CACNA1C: variants seen among roughly 807,000 people sequenced by gnomAD.
The protein encoded by CACNA1C is calcium voltage-gated channel subunit alpha1 C, also known as voltage-dependent L-type calcium channel subunit alpha-1C.
Under a neutral mutation model 229.0 loss-of-function variants are expected in CACNA1C, and 30 were observed. The ratio of observed to expected loss-of-function variants is 0.13; its 90% CI spans 0.10 to 0.18. The LOEUF (loss-of-function observed/expected upper bound fraction) is 0.18, where lower values mean the gene tolerates loss of function less well. Ranked by LOEUF, CACNA1C falls within the 10% of genes least tolerant of loss-of-function variation. The pLI, the probability that CACNA1C is intolerant of heterozygous loss-of-function variation, is 1.00. For missense variants in CACNA1C, 1,658 were observed against 2,845.0 expected, an observed-to-expected ratio of 0.58 and a Z score of 9.49; for synonymous variants, 1,114 against 1,132.5, an observed-to-expected ratio of 0.98 and a Z score of 0.33.
chr12:2,634,113 G>A (rs768899298), intron 29 of CACNA1C, among the ~76,000 whole-genome samples, 184 bp from the exon 30 acceptor site: 11 of 151,892 alleles, frequency 7.2e-5, no homozygotes, highest in Non-Finnish European at 1.3e-4. Flanking sequence ...CAGAACTGTA[G>A]AGTGGTAAGA....
intron 5 of CACNA1C, among the ~76,000 whole-genome samples, chr12:2,465,293 C>T (rs1231958117): frequency 1.3e-5 from 2 of 152,122 alleles, no homozygotes; most frequent in Non-Finnish European, 2.9e-5. Context: ...CCAAAAATCA[C>T]CAGAGAGGCA....
chr12:2,675,843 A>G (rs2096781466), intron 39 of CACNA1C, among the ~76,000 whole-genome samples: 1 of 152,196 alleles, frequency 6.6e-6, no homozygotes. Context: ...GTCTGGAGCT[A>G]CTTAATGCTA....
At chr12:2,303,658 T>C (rs906314163) in intron 3 of CACNA1C, among the ~76,000 whole-genome samples, 1 of 151,870 alleles carries the variant, frequency 6.6e-6, no homozygotes, top group Non-Finnish European at 1.5e-5. Flanking sequence ...CATTCTGAGG[T>C]GCTAGGGGTG....
intron 3 of CACNA1C, chr12:2,222,065 C>T (rs1183216433): frequency 1.3e-5 from 2 of 152,080 alleles, no homozygotes; most frequent in South Asian, 2.1e-4. Context: ...TAATGATAAG[C>T]CAATTCAGGG....
chr12:2,079,268 TTAAAA>T (rs2064511293), intron 1 of CACNA1C, among the ~76,000 whole-genome samples: 1 of 152,042 alleles, frequency 6.6e-6, no homozygotes, highest in Admixed American at 6.6e-5. Context: ...ACCCTAAAAC[TTAAAA>T]TATAATAATA....
intron 5 of CACNA1C, among the ~76,000 whole-genome samples, chr12:2,463,188 C>T (rs1246640355): frequency 4.6e-5 from 7 of 152,150 alleles, no homozygotes; most frequent in Admixed American, 3.9e-4. Context: ...GGATTACAGG[C>T]GTGAGCCACC....
intron 3 of CACNA1C, among the ~76,000 whole-genome samples, chr12:2,185,193 T>A (rs902677631): frequency 2.0e-5 from 3 of 152,178 alleles, no homozygotes; most frequent in African/African-American, 7.2e-5. Flanking sequence ...TGGCCCACAT[T>A]CTTCTCTATT....
chr12:2,549,419 G>A (rs1029546967), intron 9 of CACNA1C, among the ~76,000 whole-genome samples: 2 of 152,192 alleles, frequency 1.3e-5, no homozygotes, highest in African/African-American at 4.8e-5. Flanking sequence ...GTAACCAACT[G>A]CCGGAAAGGG....
At chr12:2,230,077 G>A (rs760016590) in intron 3 of CACNA1C, among the ~76,000 whole-genome samples, 1 of 152,196 alleles carries the variant, frequency 6.6e-6, no homozygotes, top group Non-Finnish European at 1.5e-5. Flanking sequence ...GGCGGAAGGG[G>A]AAGAAGGGGC....
At chr12:2,172,837 C>T (rs2096536644) in intron 3 of CACNA1C, among the ~76,000 whole-genome samples, 1 of 152,240 alleles carries the variant, frequency 6.6e-6, no homozygotes, top group Admixed American at 6.5e-5. Context: ...TGGACCTTGT[C>T]TGTGGAGAAC....
In CACNA1C at chr12:2,533,144, A is replaced by G. The variant is rs376443863; in HGVS notation, c.1391-16799A>G. ...GGAGGGAGAGGCTGTTCAGTGGAAT[A>G]ATGAGAGTGACAGAGGCAGGCGTTC... On this transcript the variant is annotated intron_variant, in intron 9 of 46. Coordinates refer to ENST00000399655, the MANE Select transcript of CACNA1C (RefSeq NM_000719.7). Among the ~76,000 whole-genome samples the G allele has an allele frequency of 9.2e-5, 14 of 152,302 alleles. 1 individual carries two copies.
At chr12:2,268,720 G>A (rs1245161756) in intron 3 of CACNA1C, among the ~76,000 whole-genome samples, 1 of 152,184 alleles carries the variant, frequency 6.6e-6, no homozygotes, top group Non-Finnish European at 1.5e-5. Context: ...CCCCAATGCT[G>A]AAGGTTGCTA....
At chr12:2,035,523 C>A (rs576975991) in intron 1 of CACNA1C, among the ~76,000 whole-genome samples, 18 of 152,170 alleles carry the variant, frequency 1.2e-4, no homozygotes, top group Non-Finnish European at 2.2e-4. Context: ...ATCTCCTGTG[C>A]GAACCTCTTC....
chr12:2,156,294 A>G (rs2095551390), intron 3 of CACNA1C, among the ~76,000 whole-genome samples: 1 of 152,268 alleles, frequency 6.6e-6, no homozygotes, highest in African/African-American at 2.4e-5. Flanking sequence ...GTACCTTTTA[A>G]ATAAAAATAG....
intron 3 of CACNA1C, among the ~76,000 whole-genome samples, chr12:2,413,030 T>C (rs2098825669): frequency 6.6e-6 from 1 of 152,242 alleles, no homozygotes; most frequent in Admixed American, 6.5e-5. Flanking sequence ...GCTTTTTTGT[T>C]TTCTTGAGAA....
chr12:2,572,431 C>T (rs2055648390), intron 13 of CACNA1C, among the ~76,000 whole-genome samples: 3 of 14,240 alleles, frequency 2.1e-4, no homozygotes, highest in Non-Finnish European at 2.9e-4. Context: ...CCTCCTCTTC[C>T]TCTTCCTGCT....
At chr12:2,012,622 C>T (rs1287817618) in intron 1 of CACNA1C, among the ~76,000 whole-genome samples, 1 of 152,146 alleles carries the variant, frequency 6.6e-6, no homozygotes, top group African/African-American at 2.4e-5. Flanking sequence ...GATTGGAAGC[C>T]CAGTTTCTAT....
chr12:2,412,499 G>A (rs2098819256), intron 3 of CACNA1C, among the ~76,000 whole-genome samples: 1 of 152,172 alleles, frequency 6.6e-6, no homozygotes. Context: ...TGAGACAGGC[G>A]CCCCCGCGGC....
intron 3 of CACNA1C, among the ~76,000 whole-genome samples, chr12:2,381,249 T>G (rs1171279832): frequency 6.6e-6 from 1 of 152,174 alleles, no homozygotes; most frequent in Non-Finnish European, 1.5e-5. Flanking sequence ...TGTCAGGCAT[T>G]TGTCAGGAGC....
Sources: gnomAD v4.1 joint callset for allele counts (sites outside exome capture counted in the v4.1 genomes callset) on GRCh38, gnomAD v4.1.1 for gene constraint, MANE v1.5 for transcripts, NCBI Gene and HGNC (gene_info 2026-07-23, HGNC 2026-07-21) for gene names.